The following CEP72 variants were observed in gnomAD, a reference collection of about 807,000 sequenced individuals.
CEP72 encodes the protein centrosomal protein of 72 kDa.
CEP72 carries 78 observed loss-of-function variants against 65.7 expected under a neutral mutation model. The ratio of observed to expected loss-of-function variants is 1.19; its 90% CI spans 0.99 to 1.43. CEP72 has a LOEUF of 1.43. Ranked by LOEUF, CEP72 falls within the 40% of genes most tolerant of loss-of-function variation. The pLI is 0.00. For missense variants in CEP72, 914 were observed against 832.9 expected (o/e 1.10, Z -1.20); for synonymous variants, 358 against 351.7 (o/e 1.02, Z -0.20).
At chr5:673,644 G>A in the CEP72 span, among the ~76,000 whole-genome samples, 1 of 152,226 alleles carries the variant, frequency 6.6e-6, no homozygotes, top group Non-Finnish European at 1.5e-5. Flanking sequence ...GGCCACAGCT[G>A]TCTGCTCCCC....
rs1298458684 is a variant in CEP72, at chr5:624,941, T to C, written c.512+362T>C. ...TTTCTTAGCTGCCCATCCAGCCAAATCCCACTTCTGGCCGTGAGCACATTC... is the reference window on the plus strand; with the variant it reads ...TTTCTTAGCTGCCCATCCAGCCAAACCCCACTTCTGGCCGTGAGCACATTC... On this transcript the variant is annotated intron_variant, in intron 4 of 11. Coordinates refer to ENST00000264935, the MANE Select transcript of CEP72 (RefSeq NM_018140.4). The surrounding 1 kb of genome is among the most constrained non-coding windows in gnomAD (Gnocchi z 4.7). Among the ~76,000 whole-genome samples, 2 of 152,148 alleles carry C rather than the reference T, an allele frequency of 1.3e-5. No individual in the cohort carries two copies. The highest frequency in any genetic ancestry group is 4.8e-5 in the African/African-American group (2 of 41,424).
At chr5:628,133 C>T (rs539313426) in intron 4 of CEP72, among the ~76,000 whole-genome samples, 19 of 152,352 alleles carry the variant, frequency 1.2e-4, no homozygotes, top group East Asian at 5.8e-4. Context: ...GTGATTGACA[C>T]GCCCGCCGGG....
intron 9 of CEP72, 185 bp from the exon 10 acceptor site, chr5:644,114 C>G: frequency 1.6e-6 from 1 of 617,904 alleles, no homozygotes; most frequent in South Asian, 1.9e-5. Context: ...GAGGGTGCTG[C>G]AGGGCTGGGC....
At chr5:643,289 T>TG in intron 9 of CEP72, 1 of 985,400 alleles carries the variant, frequency 1.0e-6, no homozygotes, top group Non-Finnish European at 1.2e-6. Context: ...CCATGAGACG[T>TG]GGCACTGCCA....
chr5:617,593 G>A (rs1709533), intron 1 of CEP72, among the ~76,000 whole-genome samples: 92,008 of 152,162 alleles, frequency 0.6, 28,039 homozygotes, highest in Non-Finnish European at 0.64. Flanking sequence ...GCAGGGTGTG[G>A]GGGACAATGA....
At chr5:648,953 C>G (rs1738675844) in intron 11 of CEP72, among the ~76,000 whole-genome samples, 1 of 123,428 alleles carries the variant, frequency 8.1e-6, no homozygotes, top group South Asian at 2.8e-4. Flanking sequence ...TGAGGTGTGA[C>G]CACGAGGCAT....
Position 616,795 on chromosome 5 carries a change from G to GGTGT in CEP72, c.83-2178_83-2175dup, listed in dbSNP as rs762810860. ...GCTGCGCAAGGCCAGGTGGACGAGG[G>GGTGT]GTGTGTGTGTGTGTGTGTGTATGTG... is the stretch of plus-strand genomic sequence containing the variant. On this transcript the variant is annotated intron_variant, in intron 1 of 11. Transcript: ENST00000264935. Among the ~76,000 whole-genome samples, 220 of 139,114 alleles carry GGTGT rather than the reference G, an allele frequency of 1.6e-3. 1 individual carries two copies. Among genetic ancestry groups the GGTGT allele is most frequent in the African/African-American group, 4.3e-3 (156 of 36,448 alleles). The allele number at this position is 139,114 out of a possible 152,430, so 91.3% of individuals were successfully genotyped here. A position where few individuals can be genotyped will look rare whatever the true frequency, so the allele number is the denominator to read the frequency against.
chr5:669,257 A>T (rs1203662808), downstream of CEP72, among the ~76,000 whole-genome samples: 1 of 146,680 alleles, frequency 6.8e-6, no homozygotes, highest in Admixed American at 6.8e-5. Context: ...GTCCAGCAGC[A>T]TCCCCCAGGG....
At chr5:670,407 A>T (rs1740176414), downstream of CEP72, among the ~76,000 whole-genome samples, 1 of 152,132 alleles carries the variant, frequency 6.6e-6, no homozygotes, top group East Asian at 1.9e-4. Context: ...GGGGCTGTGG[A>T]GGGGAATCTC....
At chr5:635,047 C>G (rs974378433) in intron 5 of CEP72, among the ~76,000 whole-genome samples, 1 of 152,312 alleles carries the variant, frequency 6.6e-6, no homozygotes, top group African/African-American at 2.4e-5. Flanking sequence ...AGGCGCCCAC[C>G]ACCACACCCA....
At chr5:646,523 C>T (rs570647470) in intron 10 of CEP72, among the ~76,000 whole-genome samples, 15 of 152,246 alleles carry the variant, frequency 9.9e-5, no homozygotes, top group Non-Finnish European at 7.4e-5. Context: ...GATTCTCAGG[C>T]CCTGTTCTCT....
exon 3 of CEP72, chr5:665,321 G>T (rs769452662): frequency 2.7e-5 from 43 of 1,600,896 alleles, no homozygotes; most frequent in Non-Finnish European, 3.5e-5. Context: ...GGAGGAAGGG[G>T]GCAGGTGAGT....
chr5:648,022 C>G (rs574490296), intron 11 of CEP72, 106 bp downstream of exon 11: 2 of 669,740 alleles, frequency 3.0e-6, no homozygotes, highest in Non-Finnish European at 5.2e-6. Flanking sequence ...GGAGCAGCTC[C>G]TCATGAGTCT....
At chr5:642,503 C>T in intron 9 of CEP72, 2 of 985,502 alleles carry the variant, frequency 2.0e-6, no homozygotes, top group Non-Finnish European at 2.4e-6. Context: ...CACCCCTTGC[C>T]CTTCTGAGCC....
chr5:612,713 C>G (rs1318369605), intron 1 of CEP72: 1 of 846,084 alleles, frequency 1.2e-6, no homozygotes, highest in Non-Finnish European at 1.4e-6. Flanking sequence ...GGGGTTACAT[C>G]CGCTGAGAAG....
chr5:669,503 C>G (rs1387964423), downstream of CEP72, among the ~76,000 whole-genome samples: 1 of 152,180 alleles, frequency 6.6e-6, no homozygotes. Flanking sequence ...TCTGTCTGTC[C>G]TGGGCCGTCA....
At position 624,667 on chromosome 5, in the gene CEP72, G is replaced by A. The variant is rs370274638; in HGVS notation, c.512+88G>A. The A allele has an allele frequency of 9.2e-6, 9 of 980,448 alleles. No homozygotes were observed. Among genetic ancestry groups the A allele is most frequent in the Admixed American group, 1.9e-5 (1 of 53,350 alleles). The allele number at this position is 980,448 out of a possible 1,614,324, so 60.7% of individuals were successfully genotyped here. On this transcript the variant is annotated intron_variant, in intron 4 of 11. Transcript: ENST00000264935. This position sits in a 1 kb window ranked among gnomAD's most constrained non-coding sequence, Gnocchi z 4.7. Reference sequence around the variant, plus strand: ...AACCGAACGTCATTCACTGTGTGCCGGTCACTCTCCAGGGGCGGACACCAG... The same window carrying A: ...AACCGAACGTCATTCACTGTGTGCCAGTCACTCTCCAGGGGCGGACACCAG...
chr5:641,848 G>A (rs979981821), intron 9 of CEP72: 6 of 972,740 alleles, frequency 6.2e-6, no homozygotes, highest in East Asian at 1.2e-4. Context: ...TTAAGCACAC[G>A]TGGTCCCCCG....
intron 4 of CEP72, among the ~76,000 whole-genome samples, chr5:631,647 C>A (rs571946448): frequency 2.2e-4 from 11 of 49,984 alleles, no homozygotes; most frequent in Non-Finnish European, 4.2e-4. Flanking sequence ...GGGATTTGGC[C>A]CAGTCCTGGT....
Sources: gnomAD v4.1 joint callset for allele counts (sites outside exome capture counted in the v4.1 genomes callset) on GRCh38, gnomAD v4.1.1 for gene constraint, Gnocchi (gnomAD v3.1) non-coding constraint, MANE v1.5 for transcripts, NCBI Gene and HGNC (gene_info 2026-07-23, HGNC 2026-07-21) for gene names.